Variants in ROBO2 observed in about 807,000 individuals in gnomAD.
ROBO2 encodes roundabout guidance receptor 2.
ROBO2 carries 53 observed loss-of-function variants against 160.8 expected under a neutral mutation model. The ratio of observed to expected loss-of-function variants is 0.33; its 90% CI spans 0.26 to 0.41. The LOEUF is 0.41. ROBO2 is among the 10% of genes least tolerant of loss of function. ROBO2 has a pLI of 1.00. For synonymous variants in ROBO2, 664 were observed against 611.7 expected (o/e 1.09, Z -1.26); for missense variants, 1,577 against 1,722.4 (o/e 0.92, Z 1.49).
At chr3:75,961,656 A>C (rs909166517) in intron 2 of ROBO2, among the ~76,000 whole-genome samples, 18 of 151,690 alleles carry the variant, frequency 1.2e-4, no homozygotes, top group African/African-American at 4.3e-4. Flanking sequence ...AACATTTTGC[A>C]CATCTGACTT....
intron 2 of ROBO2, among the ~76,000 whole-genome samples, chr3:77,004,518 A>G (rs188039251): frequency 5.3e-5 from 8 of 152,190 alleles, no homozygotes; most frequent in African/African-American, 1.2e-4. Context: ...GCCTGAAGCT[A>G]TACAATGTCC....
chr3:76,471,141 A>G (rs1354636380), intron 2 of ROBO2, among the ~76,000 whole-genome samples: 1 of 152,136 alleles, frequency 6.6e-6, no homozygotes, highest in Non-Finnish European at 1.5e-5. Context: ...GAATACTTGT[A>G]TCATTGGACA....
At chr3:76,855,422 G>A (rs2069945578) in intron 2 of ROBO2, among the ~76,000 whole-genome samples, 1 of 152,166 alleles carries the variant, frequency 6.6e-6, no homozygotes. Flanking sequence ...ATCGGAGAGG[G>A]TGCCGCTAAT....
chr3:76,485,332 A>G (rs1253914609), intron 2 of ROBO2, among the ~76,000 whole-genome samples: 2 of 151,978 alleles, frequency 1.3e-5, no homozygotes, highest in Non-Finnish European at 2.9e-5. Context: ...GCAGTCCACA[A>G]TAGGGTTCAT....
chr3:77,200,313 ATATATATATT>A (rs1209437495), intron 2 of ROBO2, among the ~76,000 whole-genome samples: 1,670 of 84,814 alleles, frequency 0.02, 97 homozygotes, highest in South Asian at 0.031. Flanking sequence ...ATATATATAT[ATATATATATT>A]TTAGTTTCTA....
intron 2 of ROBO2, among the ~76,000 whole-genome samples, chr3:76,797,791 A>T (rs532646059): frequency 6.6e-6 from 1 of 151,960 alleles, no homozygotes; most frequent in Non-Finnish European, 1.5e-5. Flanking sequence ...ACTATGAGAA[A>T]CTATATGGCA....
At chr3:76,464,290 G>A (rs1337379309) in intron 2 of ROBO2, among the ~76,000 whole-genome samples, 3 of 152,116 alleles carry the variant, frequency 2.0e-5, no homozygotes, top group African/African-American at 7.2e-5. Flanking sequence ...AGAAGCACTG[G>A]AAAGGCAACA....
At chr3:76,155,949 A>G (rs2106881680) in intron 2 of ROBO2, among the ~76,000 whole-genome samples, 1 of 152,096 alleles carries the variant, frequency 6.6e-6, no homozygotes, top group East Asian at 1.9e-4. Flanking sequence ...CTGTCAAAGA[A>G]ACTAGTCGGT....
intron 2 of ROBO2, among the ~76,000 whole-genome samples, chr3:76,112,679 CA>C (rs1363394894): frequency 6.7e-6 from 1 of 149,688 alleles, no homozygotes; most frequent in Non-Finnish European, 1.5e-5. Context: ...TAGAAAAATT[CA>C]AATCAGATTA....
At chr3:77,289,057 T>G (rs1263616434) in intron 2 of ROBO2, among the ~76,000 whole-genome samples, 1 of 152,176 alleles carries the variant, frequency 6.6e-6, no homozygotes, top group Non-Finnish European at 1.5e-5. Context: ...TGAGTGGGAC[T>G]GGAATACTAT....
At chr3:76,285,949 T>C (rs1249097429) in intron 2 of ROBO2, among the ~76,000 whole-genome samples, 2 of 152,182 alleles carry the variant, frequency 1.3e-5, no homozygotes, top group Non-Finnish European at 1.5e-5. Context: ...CTTTACTGTT[T>C]AATGAGGACT....
intron 5 of ROBO2, among the ~76,000 whole-genome samples, chr3:77,513,245 A>G (rs2089624175): frequency 3.3e-5 from 5 of 151,792 alleles, no homozygotes. Context: ...GGGAGTCCCT[A>G]AATTGTCTGA....
intron 2 of ROBO2, among the ~76,000 whole-genome samples, chr3:76,906,765 T>C (rs1203918369): frequency 6.6e-6 from 1 of 152,158 alleles, no homozygotes; most frequent in Non-Finnish European, 1.5e-5. Flanking sequence ...TCTATTATTA[T>C]AATTTCTTAA....
intron 2 of ROBO2, among the ~76,000 whole-genome samples, chr3:77,127,789 A>G (rs563083358): frequency 7.5e-4 from 115 of 152,328 alleles, no homozygotes; most frequent in African/African-American, 2.5e-3. Context: ...GAATTAAAGA[A>G]TATGTAATAA....
At chr3:77,495,479 A>T (rs890592306) in intron 5 of ROBO2, among the ~76,000 whole-genome samples, 14 of 152,152 alleles carry the variant, frequency 9.2e-5, no homozygotes, top group Admixed American at 8.5e-4. Flanking sequence ...TTTCTACTCC[A>T]AGTCCAGTTC....
chr3:77,136,610 G>T (rs2150390981), intron 2 of ROBO2, among the ~76,000 whole-genome samples: 1 of 149,650 alleles, frequency 6.7e-6, no homozygotes, highest in East Asian at 2.0e-4. Context: ...CAGTAGCTGG[G>T]ATTACAAGCA....
chr3:76,695,018 C>T (rs1219948974), intron 2 of ROBO2, among the ~76,000 whole-genome samples: 3 of 152,060 alleles, frequency 2.0e-5, no homozygotes, highest in Non-Finnish European at 2.9e-5. Flanking sequence ...GCAGGAGAAT[C>T]GCTTGAATTC....
chr3:77,117,691 AATTAATAG>A (rs2074342313), intron 2 of ROBO2, among the ~76,000 whole-genome samples: 1 of 152,176 alleles, frequency 6.6e-6, no homozygotes, highest in Non-Finnish European at 1.5e-5. Flanking sequence ...TTTGTTGAGA[AATTAATAG>A]ATTGTGGCAG....
At chr3:75,909,787 G>A (rs1314828278) in intron 1 of ROBO2, among the ~76,000 whole-genome samples, 4 of 152,152 alleles carry the variant, frequency 2.6e-5, no homozygotes. Context: ...TTCAGAAAGA[G>A]GGTTAGATGA....
Sources: allele counts gnomAD v4.1 joint callset (sites outside exome capture counted in the v4.1 genomes callset), GRCh38; gene constraint gnomAD v4.1.1; transcripts MANE v1.5; gene names NCBI Gene and HGNC (gene_info 2026-07-23, HGNC 2026-07-21).